Variants in CRIP2 observed in about 807,000 individuals in gnomAD.
CRIP2 encodes the protein cysteine rich protein 2.
Under a neutral mutation model 31.3 loss-of-function variants are expected in CRIP2, and 31 were observed. The ratio of observed to expected loss-of-function variants is 0.99; its 90% CI spans 0.74 to 1.34. The LOEUF is 1.34. Among genes scored for constraint, CRIP2 ranks in the 40% most tolerant of loss-of-function variants. The pLI is 0.00. For missense variants in CRIP2, 389 were observed against 301.6 expected (o/e 1.29, Z -2.15); for synonymous variants, 177 against 127.2 (o/e 1.39, Z -2.63).
upstream of CRIP2, chr14:105,473,072 A>C: frequency 1.5e-6 from 1 of 687,874 alleles, no homozygotes; most frequent in Non-Finnish European, 2.4e-6. Flanking sequence ...TAGCAAAGTC[A>C]GGGAGGGTAA....
At position 105,479,984 on chromosome 14, in the gene CRIP2, C is replaced by G. The variant is rs1267754401; in HGVS notation, c.*331C>G. 1 of 364,434 alleles carries G rather than the reference C, an allele frequency of 2.7e-6. No homozygotes were observed. The highest frequency in any genetic ancestry group is 5.2e-6 in the Non-Finnish European group (1 of 193,650). 22.6% of individuals were successfully genotyped at this position (364,434 alleles called of 1,614,324 possible). ...CCCTCTCCTGCTGCCCACCCACCTG[C>G]CAGTGTTATTTATGCTCCCTTCGTG... On this transcript the variant is annotated 3_prime_UTR_variant, in exon 8 of 8. Coordinates refer to ENST00000329146, the MANE Select transcript of CRIP2 (RefSeq NM_001312.4).
intron 1 of CRIP2, chr14:105,477,262 T>C: frequency 1.0e-6 from 1 of 984,016 alleles, no homozygotes; most frequent in South Asian, 4.7e-5. Flanking sequence ...GTAGCCCCAG[T>C]GTGGGGGTGG....
Position 105,479,488 on chromosome 14 carries a change from C to T in CRIP2, c.554C>T (p.Pro185Leu), listed in dbSNP as rs1420941329. ...CCCTGCTATGGAATCCTCTTCGGAC[C>T]CAAGGGTGAGTGTAGCCAGGGTGGT... ...HKPCYGILFGPKGVNTGAVGS... is the reference protein window; with the variant it reads ...HKPCYGILFGLKGVNTGAVGS... Residue 185 changes from proline (P) to leucine (L), a missense_variant, in exon 7 of 8, where the codon CCC (proline) becomes CTC (leucine). Coordinates refer to ENST00000329146, the MANE Select transcript of CRIP2 (RefSeq NM_001312.4). 10 of 1,612,912 alleles carry T rather than the reference C, an allele frequency of 6.2e-6. No homozygotes were observed. Among genetic ancestry groups the T allele is most frequent in the African/African-American group, 1.3e-5 (1 of 74,930 alleles).
chr14:105,474,664 A>ACCCGCCACACCCGGCAGGTGCGC (rs2083893513), upstream of CRIP2: 1 of 548,444 alleles, frequency 1.8e-6, no homozygotes, highest in Non-Finnish European at 2.3e-6. The surrounding 1 kb of genome is among the most constrained non-coding windows in gnomAD (Gnocchi z 5.1). Flanking sequence ...GCTGCCCCGC[A>ACCCGCCACACCCGGCAGGTGCGC]CCCGCCACCC....
upstream of CRIP2, chr14:105,473,174 C>T (rs2083870735): frequency 6.6e-7 from 1 of 1,507,976 alleles, no homozygotes; most frequent in Non-Finnish European, 8.9e-7. Flanking sequence ...CTGGGCAAGG[C>T]CCTGCTGTGA....
upstream of CRIP2, among the ~76,000 whole-genome samples, chr14:105,473,857 G>A (rs1307880337): frequency 2.0e-5 from 3 of 152,124 alleles, no homozygotes; most frequent in Admixed American, 6.5e-5. Flanking sequence ...GACCCCTCGA[G>A]GTCAGGCCCT....
chr14:105,478,491 C>T lies in CRIP2; in HGVS notation c.180C>T (p.Thr60=), dbSNP rs782189502. The change falls in exon 3 of 8, where the codon ACC becomes ACT. Residue 60 remains threonine (T), a synonymous_variant. Coordinates refer to ENST00000329146, the MANE Select transcript of CRIP2 (RefSeq NM_001312.4). The surrounding 1 kb of genome is among the most constrained non-coding windows in gnomAD (Gnocchi z 4.9). ...KPFCHKPCYA[T]LFGPKGVNIG... Reference sequence around the variant, plus strand: ...TCTGCCACAAGCCGTGCTACGCCACCCTGTTCGGACCCAAAGGTGAGCTCC... The same window carrying T: ...TCTGCCACAAGCCGTGCTACGCCACTCTGTTCGGACCCAAAGGTGAGCTCC... The T allele has an allele frequency of 6.2e-7, 1 of 1,609,204 alleles. No homozygotes were observed. The highest frequency in any genetic ancestry group is 1.1e-5 in the South Asian group (1 of 90,864).
chr14:105,479,544 T>C, intron 7 of CRIP2, 42 bp from the exon 8 acceptor site: 1 of 1,612,622 alleles, frequency 6.2e-7, no homozygotes. Flanking sequence ...TCCCCTTCCC[T>C]CCACTGTTCC....
At position 105,480,124 on chromosome 14, in the gene CRIP2, T is replaced by C. The variant is rs1555437157; in HGVS notation, c.*471T>C. On this transcript the variant is annotated 3_prime_UTR_variant, in exon 8 of 8. Coordinates refer to ENST00000329146, the MANE Select transcript of CRIP2 (RefSeq NM_001312.4). The stretch of plus-strand genomic sequence containing the variant: ...CCACCCTCACGTGGCTCACCTGCTG[T>C]TGAGCCTTGTGCTGTCAATAAACGG... 5.0e-6 allele frequency: 1 copy of C among 199,674 alleles called. No individual in the cohort carries two copies. Among genetic ancestry groups the C allele is most frequent in the African/African-American group, 2.3e-5 (1 of 42,838 alleles). 12.4% of individuals were successfully genotyped at this position (199,674 alleles called of 1,614,324 possible).
intron 1 of CRIP2, among the ~76,000 whole-genome samples, chr14:105,475,580 C>T (rs1194663759): frequency 2.6e-5 from 4 of 152,204 alleles, no homozygotes; most frequent in African/African-American, 9.6e-5. Context: ...GGACCTTGTG[C>T]TCAAGCAGCC....
rs587645038 is a variant in CRIP2 at position 105,479,848 on chromosome 14, T to G, written c.*195T>G. On this transcript the variant is annotated 3_prime_UTR_variant, in exon 8 of 8. Transcript: ENST00000329146. The stretch of plus-strand genomic sequence containing the variant: ...TCTGGTGTGTCTGCCCCCTCTGGCA[T>G]CCTCTGGGCGTCCCATGATCCCTTC... 7 of 619,402 alleles carry G rather than the reference T, an allele frequency of 1.1e-5. No homozygotes were observed. Among genetic ancestry groups the G allele is most frequent in the Middle Eastern group, 4.4e-4 (1 of 2,296 alleles). 38.4% of individuals were successfully genotyped at this position (619,402 alleles called of 1,614,324 possible). A position where few individuals can be genotyped will look rare whatever the true frequency, so the allele number is the denominator to read the frequency against.
rs782571495 is a variant in CRIP2 at position 105,479,504 on chromosome 14, C to T, written c.559+11C>T. 1.2e-5 allele frequency: 20 copies of T among 1,612,906 alleles called. No individual in the cohort carries two copies. The highest frequency in any genetic ancestry group is 7.7e-5 in the South Asian group (7 of 91,078). On this transcript the variant is annotated intron_variant, in intron 7 of 7. Coordinates refer to ENST00000329146, the MANE Select transcript of CRIP2 (RefSeq NM_001312.4). ...TCTTCGGACCCAAGGGTGAGTGTAG[C>T]CAGGGTGGTCCACGATGTCTTCCCT...
upstream of CRIP2, chr14:105,474,108 A>C (rs1595446918): frequency 6.5e-6 from 1 of 154,348 alleles, no homozygotes; most frequent in South Asian, 2.0e-4. This position sits in a 1 kb window ranked among gnomAD's most constrained non-coding sequence, Gnocchi z 5.1. Flanking sequence ...ACCTCCCCAC[A>C]CCCCCTACCA....
intron 5 of CRIP2, 24 bp downstream of exon 5, chr14:105,479,071 A>ACC: frequency 1.3e-6 from 2 of 1,519,420 alleles, no homozygotes; most frequent in Non-Finnish European, 1.8e-6. Flanking sequence ...CGGGCCCCGG[A>ACC]CCCCCGCCCC....
chr14:105,478,547 G>T lies in CRIP2; in HGVS notation c.196+40G>T. On this transcript the variant is annotated intron_variant, in intron 3 of 7. Coordinates refer to ENST00000329146, the MANE Select transcript of CRIP2 (RefSeq NM_001312.4). The surrounding 1 kb of genome is among the most constrained non-coding windows in gnomAD (Gnocchi z 4.9). ...CCCTCGGCCTGCCCTGGGACCTGCT[G>T]GGAGGGGCGTGGCGCTGGCGCTGGG... is the stretch of plus-strand genomic sequence containing the variant. The T allele has an allele frequency of 6.3e-7, 1 of 1,589,350 alleles. No homozygotes were observed. The highest frequency in any genetic ancestry group is 8.5e-7 in the Non-Finnish European group (1 of 1,169,720).
Position 105,477,660 on chromosome 14 carries a change from TGGGGGGAGGCAG to T in CRIP2, c.44-604_44-593del, listed in dbSNP as rs1567061328. The T allele has an allele frequency of 2.2e-4, 141 of 642,472 alleles. 49 individuals are homozygous for T. Among genetic ancestry groups the T allele is most frequent in the Non-Finnish European group, 2.4e-4 (137 of 561,622 alleles). 39.8% of individuals were successfully genotyped at this position (642,472 alleles called of 1,614,324 possible). A position where few individuals can be genotyped will look rare whatever the true frequency, so the allele number is the denominator to read the frequency against. ...GACAGGTGGGGGAGATGCATATGTG[TGGGGGGAGGCAG>T]GTGTGTGGGGGGAAGCGGGTGTGTG... On this transcript the variant is annotated intron_variant, in intron 1 of 7. Transcript: ENST00000329146.
At position 105,478,509 on chromosome 14, in the gene CRIP2, T is replaced by A; in HGVS notation, c.196+2T>A. Reference sequence around the variant, plus strand: ...ACGCCACCCTGTTCGGACCCAAAGGTGAGCTCCGGCTGCCCTCGGCCTGCC... The same window carrying A: ...ACGCCACCCTGTTCGGACCCAAAGGAGAGCTCCGGCTGCCCTCGGCCTGCC... On this transcript the variant is annotated splice_donor_variant, in intron 3 of 7. Transcript: ENST00000329146. LOFTEE classifies it high-confidence loss of function. This position sits in a 1 kb window ranked among gnomAD's most constrained non-coding sequence, Gnocchi z 4.9. 4 of 1,608,118 alleles carry A rather than the reference T, an allele frequency of 2.5e-6. No individual in the cohort carries two copies. Among genetic ancestry groups the A allele is most frequent in the Non-Finnish European group, 3.4e-6 (4 of 1,178,636 alleles).
In CRIP2 at chr14:105,476,526, C is replaced by T. The variant is rs1214221581; in HGVS notation, c.43+1621C>T. 5.1e-6 allele frequency: 5 copies of T among 985,438 alleles called. 1 individual carries two copies. The South Asian group carries it at 1.4e-4, about 28-fold the overall frequency. 61.0% of individuals were successfully genotyped at this position (985,438 alleles called of 1,614,324 possible). A position where few individuals can be genotyped will look rare whatever the true frequency, so the allele number is the denominator to read the frequency against. On this transcript the variant is annotated intron_variant, in intron 1 of 7. Coordinates refer to ENST00000329146, the MANE Select transcript of CRIP2 (RefSeq NM_001312.4). ...TCTGAGCCATTAGACCCAATCGATTCTGTGTTCCCAACTCGGACCCGTAAT... is the reference window on the plus strand; with the variant it reads ...TCTGAGCCATTAGACCCAATCGATTTTGTGTTCCCAACTCGGACCCGTAAT...
chr14:105,479,309 G>T (rs1455329993), intron 6 of CRIP2, 90 bp downstream of exon 6: 3 of 1,515,200 alleles, frequency 2.0e-6, no homozygotes, highest in African/African-American at 1.4e-5. Context: ...GGGATGGGGG[G>T]TGGTGCTTCT....
Sources: gnomAD v4.1 joint callset for allele counts (sites outside exome capture counted in the v4.1 genomes callset) on GRCh38, gnomAD v4.1.1 for gene constraint, Gnocchi (gnomAD v3.1) non-coding constraint, MANE v1.5 for transcripts, NCBI Gene and HGNC (gene_info 2026-07-23, HGNC 2026-07-21) for gene names.